Variants in CA10 observed in about 807,000 individuals in gnomAD.
CA10 encodes the protein carbonic anhydrase 10 (inactive).
Under a neutral mutation model 44.2 loss-of-function variants are expected in CA10, and 14 were observed. The ratio of observed to expected loss-of-function variants is 0.32; its 90% CI spans 0.21 to 0.50. CA10 has a LOEUF of 0.50. CA10 is among the 20% of genes least tolerant of loss of function. The pLI is 0.99. For synonymous variants in CA10, 159 were observed against 141.6 expected, an observed-to-expected ratio of 1.12 and a Z score of -0.87; for missense variants, 350 against 409.7, an observed-to-expected ratio of 0.85 and a Z score of 1.26.
chr17:51,661,731 T>C (rs1486759799), intron 4 of CA10: 1 of 152,198 alleles, frequency 6.6e-6, no homozygotes, highest in Non-Finnish European at 1.5e-5. Context: ...TTGAGGAAGG[T>C]GTCACCTATT....
chr17:51,848,719 C>T (rs900915680), intron 3 of CA10, among the ~76,000 whole-genome samples: 4 of 152,168 alleles, frequency 2.6e-5, no homozygotes, highest in Admixed American at 6.5e-5. Context: ...TTATAGTGGC[C>T]GGAGGCAGTC....
In CA10 at chr17:51,859,796, T is replaced by C. The variant is rs187473920; in HGVS notation, c.279+71194A>G. ...AGTATAAAGAGCCACATAGATGTTA[T>C]TATAACTTTTGGTAAACAGGATCAT... On this transcript the variant is annotated intron_variant, in intron 3 of 8. Transcript: ENST00000451037. 9.8e-5 allele frequency among the ~76,000 whole-genome samples: 15 copies of C among 152,302 alleles called. 1 individual carries two copies. Among genetic ancestry groups the C allele is most frequent in the Middle Eastern group, 6.8e-3 (2 of 294 alleles).
At chr17:51,952,412 C>G (rs1983518395) in intron 2 of CA10, among the ~76,000 whole-genome samples, 1 of 152,042 alleles carries the variant, frequency 6.6e-6, no homozygotes, top group Admixed American at 6.6e-5. Flanking sequence ...GGGGATGTAA[C>G]TGCACACTGG....
intron 1 of CA10, 49 bp downstream of exon 1, chr17:52,157,677 A>G: frequency 6.5e-7 from 1 of 1,537,268 alleles, no homozygotes; most frequent in Non-Finnish European, 9.0e-7. Context: ...TACACCCCAG[A>G]CATCACAACA....
chr17:51,777,379 A>C (rs1905864440), intron 3 of CA10, among the ~76,000 whole-genome samples: 1 of 152,178 alleles, frequency 6.6e-6, no homozygotes, highest in African/African-American at 2.4e-5. Flanking sequence ...GATTTTCTTT[A>C]ACCAAATGCA....
chr17:51,957,596 A>C (rs1682507888), intron 2 of CA10, among the ~76,000 whole-genome samples: 1 of 152,166 alleles, frequency 6.6e-6, no homozygotes. Context: ...GAGCACCTGC[A>C]ATAGCACATC....
chr17:51,784,080 C>A (rs1906164824), intron 3 of CA10, among the ~76,000 whole-genome samples: 1 of 152,156 alleles, frequency 6.6e-6, no homozygotes, highest in African/African-American at 2.4e-5. Context: ...CCCTTCTCTA[C>A]CTCTCCTTGT....
intron 1 of CA10, among the ~76,000 whole-genome samples, chr17:52,133,865 T>C (rs1310694351): frequency 1.3e-5 from 2 of 152,206 alleles, no homozygotes; most frequent in African/African-American, 4.8e-5. Flanking sequence ...AATGGTCACT[T>C]AATGAATAGA....
At chr17:52,064,360 C>G (rs1598195386) in intron 2 of CA10, among the ~76,000 whole-genome samples, 1 of 152,284 alleles carries the variant, frequency 6.6e-6, no homozygotes, top group East Asian at 1.9e-4. Flanking sequence ...TCATTTTAAA[C>G]TACTAAATAA....
intron 4 of CA10, among the ~76,000 whole-genome samples, chr17:51,658,303 TGAGAAG>T (rs1300180979): frequency 6.6e-6 from 1 of 152,184 alleles, no homozygotes; most frequent in Non-Finnish European, 1.5e-5. Flanking sequence ...GGAATAAGAC[TGAGAAG>T]GTCTTTGTCC....
chr17:51,951,920 A>C (rs1983499084), intron 2 of CA10, among the ~76,000 whole-genome samples: 1 of 152,114 alleles, frequency 6.6e-6, no homozygotes, highest in African/African-American at 2.4e-5. Context: ...TGTGGCTACA[A>C]TTTTTAATGC....
intron 2 of CA10, among the ~76,000 whole-genome samples, chr17:52,048,394 T>G (rs533015719): frequency 1.3e-5 from 2 of 152,162 alleles, no homozygotes; most frequent in Non-Finnish European, 2.9e-5. Flanking sequence ...GCACCTACTG[T>G]TAGCCAGGCA....
intron 2 of CA10, among the ~76,000 whole-genome samples, chr17:52,048,380 T>C (rs933087243): frequency 6.6e-6 from 1 of 151,954 alleles, no homozygotes; most frequent in Non-Finnish European, 1.5e-5. Flanking sequence ...CATAAATACT[T>C]TAAGCACCTA....
At chr17:51,868,028 C>T (rs1297347292) in intron 3 of CA10, among the ~76,000 whole-genome samples, 2 of 151,244 alleles carry the variant, frequency 1.3e-5, no homozygotes, top group Non-Finnish European at 2.9e-5. Context: ...TTAAACAATT[C>T]TATCACAGAG....
intron 1 of CA10, among the ~76,000 whole-genome samples, chr17:52,154,379 A>G (rs1503046): frequency 0.76 from 114,988 of 152,126 alleles, 44,247 homozygotes; most frequent in African/African-American, 0.91. Context: ...GTGTGAAAAT[A>G]CCACATAATT....
intron 3 of CA10, among the ~76,000 whole-genome samples, chr17:51,858,038 G>A (rs1979130985): frequency 6.6e-6 from 1 of 152,034 alleles, no homozygotes; most frequent in Non-Finnish European, 1.5e-5. Flanking sequence ...TTATAACTGT[G>A]ACATGCAACT....
chr17:51,933,532 C>T (rs1404047617), intron 2 of CA10, among the ~76,000 whole-genome samples: 2 of 152,040 alleles, frequency 1.3e-5, no homozygotes, highest in African/African-American at 2.4e-5. Flanking sequence ...TGATGTTTAA[C>T]CCCTTGAGAA....
chr17:51,878,036 C>T (rs922772079), intron 3 of CA10, among the ~76,000 whole-genome samples: 7 of 146,336 alleles, frequency 4.8e-5, no homozygotes, highest in Middle Eastern at 3.3e-3. Context: ...CCCAGCTACT[C>T]GGGAGGCTGA....
intron 1 of CA10, among the ~76,000 whole-genome samples, chr17:52,090,863 G>A (rs1051119092): frequency 6.6e-6 from 1 of 152,080 alleles, no homozygotes; most frequent in East Asian, 1.9e-4. Flanking sequence ...GATGATCTGG[G>A]CTTCTTTAAA....
Sources: allele counts gnomAD v4.1 joint callset (sites outside exome capture counted in the v4.1 genomes callset), GRCh38; gene constraint gnomAD v4.1.1; transcripts MANE v1.5; gene names NCBI Gene and HGNC (gene_info 2026-07-23, HGNC 2026-07-21).